Variants in TBX20 observed in about 807,000 individuals in gnomAD.
The protein encoded by TBX20 is T-box transcription factor 20.
TBX20 carries 8 observed loss-of-function variants against 42.9 expected under a neutral mutation model. That is an observed-to-expected ratio of 0.19 (90% CI 0.11 to 0.34). TBX20 has a LOEUF of 0.34. Ranked by LOEUF, TBX20 falls within the 10% of genes least tolerant of loss-of-function variation. TBX20 has a pLI of 1.00. For synonymous variants in TBX20, 198 were observed against 222.8 expected, an observed-to-expected ratio of 0.89 and a Z score of 0.99; for missense variants, 411 against 566.0, an observed-to-expected ratio of 0.73 and a Z score of 2.78.
chr7:35,205,353 T>TAA (rs3051595), intron 6 of TBX20, among the ~76,000 whole-genome samples: 250 of 144,646 alleles, frequency 1.7e-3, no homozygotes, highest in African/African-American at 6.0e-3. Flanking sequence ...CTTCTGCTTT[T>TAA]AAAAAAAAAA....
intron 5 of TBX20, among the ~76,000 whole-genome samples, chr7:35,233,278 C>T (rs1789902593): frequency 1.3e-5 from 2 of 152,206 alleles, no homozygotes; most frequent in Non-Finnish European, 1.5e-5. Context: ...ATCAATAACA[C>T]TGGCAAATTA....
intron 3 of TBX20, among the ~76,000 whole-genome samples, chr7:35,245,648 T>G (rs1790169160): frequency 6.6e-6 from 1 of 152,234 alleles, no homozygotes; most frequent in African/African-American, 2.4e-5. Flanking sequence ...CTGTTCTTCC[T>G]GTTACATTAA....
At position 35,249,860 on chromosome 7, in the gene TBX20, A is replaced by T. The variant is rs992961599; in HGVS notation, c.380+91T>A. ...CTGTCTCTCCGCTCCATGACCAGCCAGCTCTCATCTAGTTCCTGGAAGCAC... is the reference window on the plus strand; with the variant it reads ...CTGTCTCTCCGCTCCATGACCAGCCTGCTCTCATCTAGTTCCTGGAAGCAC... On this transcript the variant is annotated intron_variant, in intron 2 of 7. Transcript: ENST00000408931. This position sits in a 1 kb window ranked among gnomAD's most constrained non-coding sequence, Gnocchi z 4.3. The T allele has an allele frequency of 5.5e-5, 78 of 1,422,002 alleles. No individual in the cohort carries two copies. Among genetic ancestry groups the T allele is most frequent in the Admixed American group, 3.0e-4 (14 of 46,604 alleles). 88.1% of individuals were successfully genotyped at this position (1,422,002 alleles called of 1,614,324 possible). A position where few individuals can be genotyped will look rare whatever the true frequency, so the allele number is the denominator to read the frequency against.
chr7:35,244,386 A>T (rs1001579621), intron 4 of TBX20, among the ~76,000 whole-genome samples: 1 of 151,716 alleles, frequency 6.6e-6, no homozygotes, highest in African/African-American at 2.4e-5. Context: ...TTTTAATTAC[A>T]GGGCTTCTTT....
In TBX20 at chr7:35,225,343, C is replaced by T. The variant is rs536790219; in HGVS notation, c.890+6161G>A. On this transcript the variant is annotated intron_variant, in intron 6 of 7. Transcript: ENST00000408931. ...AAATACAAAAATATACTTTATGTAA[C>T]ATAATAACCCAAATTATTATTTCAA... Among the ~76,000 whole-genome samples, 8 of 152,134 alleles carry T rather than the reference C, an allele frequency of 5.3e-5. 1 individual carries two copies. In the South Asian group the frequency reaches 6.2e-4, roughly 12 times the overall value.
At chr7:35,226,247 A>G (rs1184403169) in intron 6 of TBX20, among the ~76,000 whole-genome samples, 2 of 152,008 alleles carry the variant, frequency 1.3e-5, no homozygotes, top group African/African-American at 4.8e-5. Context: ...CGAGAGCAAC[A>G]GATTTGGTGA....
At chr7:35,245,581 G>A (rs1392284264) in intron 3 of TBX20, among the ~76,000 whole-genome samples, 1 of 152,076 alleles carries the variant, frequency 6.6e-6, no homozygotes, top group Admixed American at 6.6e-5. Flanking sequence ...ATAAGATGGA[G>A]CAATTTTAAT....
Position 35,204,579 on chromosome 7 carries a change from T to C in TBX20, c.894A>G (p.Glu298=). The C allele has an allele frequency of 6.2e-7, 1 of 1,611,392 alleles. No individual in the cohort carries two copies. The change falls in exon 7 of 8, where the codon GAA becomes GAG. Residue 298 remains glutamate, a synonymous_variant. Transcript: ENST00000408931. ...GCTTTTGAATCAGGCTCTCCACACT[T>C]TCCCTAGGTTAGAGTGACATATCAC... ...DSSRLTDIER[E]SVESLIQKHS... is the part of the protein sequence containing the mutation.
intron 3 of TBX20, among the ~76,000 whole-genome samples, chr7:35,245,532 TTTAAAC>T (rs1310065877): frequency 4.6e-5 from 7 of 152,238 alleles, no homozygotes; most frequent in Non-Finnish European, 1.0e-4. Context: ...AATCCATTTA[TTTAAAC>T]TTAAAGTTTT....
chr7:35,219,695 T>C (rs113661554), intron 6 of TBX20, among the ~76,000 whole-genome samples: 6,053 of 102,798 alleles, frequency 0.059, no homozygotes, highest in East Asian at 0.19. Context: ...TTATGAAAGA[T>C]CCAGGAATTA....
At chr7:35,232,503 A>T (rs1238117689) in intron 5 of TBX20, among the ~76,000 whole-genome samples, 2 of 152,234 alleles carry the variant, frequency 1.3e-5, no homozygotes, top group Non-Finnish European at 2.9e-5. Context: ...CCGACAGATA[A>T]TCACACACAG....
At chr7:35,221,414 A>C (rs943626136) in intron 6 of TBX20, among the ~76,000 whole-genome samples, 4 of 152,092 alleles carry the variant, frequency 2.6e-5, no homozygotes, top group African/African-American at 9.7e-5. Flanking sequence ...TAATAAAAAC[A>C]CTACAACTGA....
At chr7:35,225,026 G>C (rs1041201425) in intron 6 of TBX20, among the ~76,000 whole-genome samples, 17 of 151,954 alleles carry the variant, frequency 1.1e-4, no homozygotes, top group African/African-American at 4.1e-4. Flanking sequence ...ATAACTACTA[G>C]AAAGGAAGAG....
rs374527847 is a variant in TBX20, at chr7:35,245,932, A to T, written c.546-875T>A. 4.6e-5 allele frequency among the ~76,000 whole-genome samples: 7 copies of T among 152,314 alleles called. No individual in the cohort carries two copies. In the East Asian group the frequency reaches 9.6e-4, roughly 21 times the overall value. ...AGAGACTACAGAACTAATGAAGGGGAAGCAAAATCCTTGATTTAATAGGAC... is the reference window on the plus strand; with the variant it reads ...AGAGACTACAGAACTAATGAAGGGGTAGCAAAATCCTTGATTTAATAGGAC... On this transcript the variant is annotated intron_variant, in intron 3 of 7. Coordinates refer to ENST00000408931, the MANE Select transcript of TBX20 (RefSeq NM_001077653.2).
chr7:35,220,378 C>T (rs1789659750), intron 6 of TBX20, among the ~76,000 whole-genome samples: 1 of 152,202 alleles, frequency 6.6e-6, no homozygotes, highest in Admixed American at 6.5e-5. Flanking sequence ...TGGGCCATCA[C>T]CATGGCCAGC....
At chr7:35,221,566 T>C (rs1286836091) in intron 6 of TBX20, among the ~76,000 whole-genome samples, 1 of 152,120 alleles carries the variant, frequency 6.6e-6, no homozygotes, top group Non-Finnish European at 1.5e-5. Flanking sequence ...ACTTCAAAAC[T>C]AGATGACAAT....
intron 5 of TBX20, among the ~76,000 whole-genome samples, chr7:35,238,158 C>A (rs1049454999): frequency 1.3e-5 from 2 of 152,108 alleles, no homozygotes; most frequent in Admixed American, 1.3e-4. Flanking sequence ...TTGAGAAGAT[C>A]AAGTATGATT....
chr7:35,204,828 T>C (rs1020496769), intron 6 of TBX20, among the ~76,000 whole-genome samples: 1 of 152,084 alleles, frequency 6.6e-6, no homozygotes, highest in African/African-American at 2.4e-5. Context: ...TCCCCTGAAA[T>C]ACTTTAAAAT....
chr7:35,238,616 A>G (rs540884636), intron 5 of TBX20, among the ~76,000 whole-genome samples: 3 of 152,342 alleles, frequency 2.0e-5, no homozygotes, highest in East Asian at 3.9e-4. Context: ...TTTGGAGCCT[A>G]TGATATTTGC....
Sources: allele counts gnomAD v4.1 joint callset (sites outside exome capture counted in the v4.1 genomes callset), GRCh38; gene constraint gnomAD v4.1.1; non-coding constraint Gnocchi (gnomAD v3.1); transcripts MANE v1.5; gene names NCBI Gene and HGNC (gene_info 2026-07-23, HGNC 2026-07-21).